SZT2: variants seen among roughly 807,000 people sequenced by gnomAD.
SZT2 encodes KICSTOR complex protein SZT2.
A neutral mutation model predicts 404.2 loss-of-function variants in SZT2; 216 were observed. The ratio of observed to expected loss-of-function variants is 0.53; its 90% confidence interval spans 0.48 to 0.60. The LOEUF (loss-of-function observed/expected upper bound fraction) is 0.60, where lower values mean the gene tolerates loss of function less well. Among genes scored for constraint, SZT2 ranks in the 20% least tolerant of loss-of-function variants. The pLI is 0.00. For synonymous variants in SZT2, 1,693 were observed against 1,749.9 expected (o/e 0.97, Z 0.81); for missense variants, 3,857 against 4,459.2 (o/e 0.86, Z 3.85).
Position 43,431,252 on chromosome 1 carries a change from C to A in SZT2, c.4917-13C>A. The A allele has an allele frequency of 6.3e-7, 1 of 1,597,064 alleles. No individual in the cohort carries two copies. The highest frequency in any genetic ancestry group is 8.5e-7 in the Non-Finnish European group (1 of 1,171,502). Reference sequence around the variant, plus strand: ...GTAACTCCTGACCTTTGACTTGTTCCCACCCTGTTCAGGTCAACATCTGAA... The same window carrying A: ...GTAACTCCTGACCTTTGACTTGTTCACACCCTGTTCAGGTCAACATCTGAA... On this transcript the variant is annotated splice_polypyrimidine_tract_variant and intron_variant, in intron 33 of 71. Transcript: ENST00000634258.
intron 3 of SZT2, chr1:43,404,055 C>T (rs1197346117): frequency 3.9e-6 from 2 of 518,798 alleles, no homozygotes; most frequent in Non-Finnish European, 6.9e-6. Context: ...ATAAAAAATA[C>T]AAAAATTAGC....
Position 43,419,821 on chromosome 1 carries a change from T to A in SZT2, c.967T>A (p.Ser323Thr). The A allele has an allele frequency of 6.3e-7, 1 of 1,598,446 alleles. No homozygotes were observed. The highest frequency in any genetic ancestry group is 1.1e-5 in the South Asian group (1 of 91,086). The change falls in exon 8 of 72, where the codon TCC becomes ACC. Residue 323 changes from serine (S) to threonine (T), a missense_variant. Physicochemically the swap from Ser to Thr is moderately conservative, Grantham distance 58. Transcript: ENST00000634258. ...GTTCATCGCAATGGCAACATTTGGG[T>A]CCTACCTGTCCACTTGTCCTGAGCC... ...MKFIAMATFG[S>T]YLSTCPEPEP... is the part of the protein sequence containing the mutation.
chr1:43,441,831 C>G lies in SZT2; in HGVS notation c.7742+13C>G. On this transcript the variant is annotated intron_variant, in intron 55 of 71. Coordinates refer to ENST00000634258, the MANE Select transcript of SZT2 (RefSeq NM_001365999.1). The surrounding 1 kb of genome is among the most constrained non-coding windows in gnomAD (Gnocchi z 4.8). ...TTGAGCAGCATTTGTGAGTGTAGAT[C>G]CTATAGAATTGAAGGGAACTCCCCT... The G allele has an allele frequency of 6.2e-7, 1 of 1,611,894 alleles. No individual in the cohort carries two copies. The highest frequency in any genetic ancestry group is 8.5e-7 in the Non-Finnish European group (1 of 1,179,022).
chr1:43,419,341 C>T (rs1007072953), intron 7 of SZT2, among the ~76,000 whole-genome samples: 2 of 152,196 alleles, frequency 1.3e-5, no homozygotes, highest in South Asian at 2.1e-4. Flanking sequence ...GAATCTCAGG[C>T]CCCACCCCAG....
chr1:43,442,096 G>A lies in SZT2; in HGVS notation c.7839G>A (p.Arg2613=), dbSNP rs1490328696. 6.4e-7 allele frequency: 1 copy of A among 1,574,624 alleles called. No individual in the cohort carries two copies. The highest frequency in any genetic ancestry group is 1.4e-5 in the African/African-American group (1 of 73,430). Residue 2613 remains arginine, a synonymous_variant, in exon 56 of 72, where the codon AGG becomes AGA. Transcript: ENST00000634258. The surrounding 1 kb of genome is among the most constrained non-coding windows in gnomAD (Gnocchi z 4.5). ...AAERHLLLLG[R]NFLQWRRPTQ... is the part of the protein sequence containing the mutation. ...AGCGGCATCTGCTGCTTCTGGGAAGGAACTTCTTGCAGTGGAGGAGACCAA... is the reference window on the plus strand; with the variant it reads ...AGCGGCATCTGCTGCTTCTGGGAAGAAACTTCTTGCAGTGGAGGAGACCAA...
In SZT2 at chr1:43,452,074, G is replaced by C; in HGVS notation, c.*1594G>C. The C allele has an allele frequency of 1.3e-6, 2 of 1,551,922 alleles. No individual in the cohort carries two copies. Among genetic ancestry groups the C allele is most frequent in the Non-Finnish European group, 8.8e-7 (1 of 1,133,690 alleles). On this transcript the variant is annotated 3_prime_UTR_variant, in exon 72 of 72. Coordinates refer to ENST00000634258, the MANE Select transcript of SZT2 (RefSeq NM_001365999.1). ...TCCCAAGTTTGTCCCCCATCAGTCA[G>C]TCACTGGTCAAGGCCCTCACCTGTT...
rs771210352 is a variant in SZT2, at chr1:43,404,513, A to T, written c.461A>T (p.Gln154Leu). The change falls in exon 4 of 72, where the codon CAG becomes CTG. Residue 154 changes from glutamine (Q) to leucine (L), a missense_variant. By Grantham distance (113) the Gln-to-Leu change is moderately radical. Transcript: ENST00000634258. ...CAGCCTGAGATCTATGTAACTATCC[A>T]GGCCTACTCCTCCATCATTGGACTG... Reference protein sequence around the residue: ...DFQPEIYVTIQAYSSIIGLQS... With the variant: ...DFQPEIYVTILAYSSIIGLQS... 37 of 1,613,756 alleles carry T rather than the reference A, an allele frequency of 2.3e-5. No homozygotes were observed. Among genetic ancestry groups the T allele is most frequent in the Non-Finnish European group, 3.1e-5 (37 of 1,179,978 alleles).
At position 43,422,195 on chromosome 1, in the gene SZT2, A is replaced by G; in HGVS notation, c.1739A>G (p.His580Arg). 6.3e-7 allele frequency: 1 copy of G among 1,595,324 alleles called. No homozygotes were observed. The highest frequency in any genetic ancestry group is 8.5e-7 in the Non-Finnish European group (1 of 1,177,736). The change falls in exon 12 of 72, where the codon CAT (histidine) becomes CGT (arginine). Residue 580 changes from histidine to arginine, a missense_variant. His to Arg is a conservative substitution (Grantham distance 29, BLOSUM62 0). Coordinates refer to ENST00000634258, the MANE Select transcript of SZT2 (RefSeq NM_001365999.1). The stretch of plus-strand genomic sequence containing the variant: ...TCCTGGCAGCGATGGCTGCACATGC[A>G]TCGCCTGGTGCTAATCCTGGAGCAT... ...ANSWQRWLHM[H>R]RLVLILEHDT... is the part of the protein sequence containing the mutation.
At chr1:43,397,092 A>G (rs1456519647) in intron 1 of SZT2, among the ~76,000 whole-genome samples, 1 of 152,192 alleles carries the variant, frequency 6.6e-6, no homozygotes, top group Non-Finnish European at 1.5e-5. Context: ...TTATTAGAAC[A>G]CTTAGTATGT....
intron 1 of SZT2, among the ~76,000 whole-genome samples, chr1:43,391,028 C>T (rs191204746): frequency 1.3e-5 from 2 of 152,228 alleles, no homozygotes; most frequent in Non-Finnish European, 2.9e-5. Context: ...TTAAGAGTAA[C>T]AAAGTAAGCC....
chr1:43,391,464 TC>T (rs1648303767), intron 1 of SZT2, among the ~76,000 whole-genome samples: 1 of 152,228 alleles, frequency 6.6e-6, no homozygotes. Flanking sequence ...AATCTCCAGT[TC>T]ACTGGGATTT....
chr1:43,449,871 T>C, intron 70 of SZT2: 3 of 607,462 alleles, frequency 4.9e-6, no homozygotes, highest in East Asian at 2.8e-5. Flanking sequence ...GTGTGGGGCC[T>C]CCAGGATCAA....
chr1:43,430,870 A>G lies in SZT2; in HGVS notation c.4775-79A>G. ...TGGGAGTGGAGGGGAGCCTAGGGTT[A>G]TGTCTTTTAACACATAGATCTTGGA... On this transcript the variant is annotated intron_variant, in intron 32 of 71. Coordinates refer to ENST00000634258, the MANE Select transcript of SZT2 (RefSeq NM_001365999.1). 1.9e-6 allele frequency: 3 copies of G among 1,581,888 alleles called. No individual in the cohort carries two copies. In the South Asian group the frequency reaches 3.5e-5, roughly 18 times the overall value.
At chr1:43,422,655 A>ATC in intron 13 of SZT2, 23 bp downstream of exon 13, 1 of 1,095,026 alleles carries the variant, frequency 9.1e-7, no homozygotes, top group Non-Finnish European at 1.2e-6. Flanking sequence ...ATGTCCCTTC[A>ATC]CCCCCCGCCC....
intron 26 of SZT2, 29 bp downstream of exon 26, chr1:43,427,763 C>G (rs1276554433): frequency 2.5e-6 from 4 of 1,607,346 alleles, no homozygotes; most frequent in Non-Finnish European, 3.4e-6. Context: ...GACCTAAGTC[C>G]TCGCCGGGCC....
chr1:43,446,726 CCA>C (rs1002353470), intron 65 of SZT2: 4 of 621,382 alleles, frequency 6.4e-6, no homozygotes, highest in Non-Finnish European at 1.1e-5. Context: ...GCAAAATGGC[CCA>C]GTTTCTGAAA....
At position 43,420,799 on chromosome 1, in the gene SZT2, C is replaced by T. The variant is rs373013502; in HGVS notation, c.1312C>T (p.Arg438Cys). The T allele has an allele frequency of 1.2e-5, 19 of 1,598,300 alleles. No homozygotes were observed. In the African/African-American group the frequency reaches 2.0e-4, roughly 17 times the overall value. The change falls in exon 10 of 72, where the codon CGC becomes TGC. Residue 438 changes from arginine (R) to cysteine (C), a missense_variant. By Grantham distance (180) the Arg-to-Cys change is radical (BLOSUM62 -3). This residue lies in a region of SZT2 where 536 missense variants were observed against 637.4 expected (regional missense o/e 0.84). Transcript: ENST00000634258. The surrounding 1 kb of genome is among the most constrained non-coding windows in gnomAD (Gnocchi z 5.1). ...KLVLLWKHNM[R>C]IEYVAMAPWP... ...GGTGCTGCTGTGGAAACACAACATG[C>T]GCATTGAGTATGTGGCTATGGCACC...
At chr1:43,413,763 AATGAAG>A (rs1651363562) in intron 4 of SZT2, among the ~76,000 whole-genome samples, 2 of 152,184 alleles carry the variant, frequency 1.3e-5, no homozygotes, top group Non-Finnish European at 2.9e-5. Context: ...CAATTGAACT[AATGAAG>A]ATGGAGAGTG....
chr1:43,421,096 T>C, intron 10 of SZT2, 78 bp from the exon 11 acceptor site: 1 of 1,595,780 alleles, frequency 6.3e-7, no homozygotes, highest in South Asian at 1.1e-5. Context: ...ATATCCAGGG[T>C]CCCATGTCCC....
Sources: gnomAD v4.1 joint callset for allele counts (sites outside exome capture counted in the v4.1 genomes callset) on GRCh38, gnomAD v4.1.1 for gene constraint, gnomAD v4.1.1 regional missense constraint, Gnocchi (gnomAD v3.1) non-coding constraint, MANE v1.5 for transcripts, NCBI Gene and HGNC (gene_info 2026-07-23, HGNC 2026-07-21) for gene names.